Variants in WDR49 observed in about 807,000 individuals in gnomAD.
WDR49 encodes WD repeat domain 49.
Under a neutral mutation model 119.5 loss-of-function variants are expected in WDR49, and 107 were observed. The ratio of observed to expected loss-of-function variants is 0.90; its 90% CI spans 0.77 to 1.05. The LOEUF (loss-of-function observed/expected upper bound fraction) is 1.05. Among genes scored for constraint, WDR49 ranks in the 50% least tolerant of loss-of-function variants. The pLI, the probability that WDR49 is intolerant of heterozygous loss-of-function variation, is 0.00. For synonymous variants in WDR49, 425 were observed against 418.8 expected, an observed-to-expected ratio of 1.01 and a Z score of -0.18; for missense variants, 1,240 against 1,220.5, an observed-to-expected ratio of 1.02 and a Z score of -0.24.
chr3:167,605,171 G>A (rs1166916213), intron 5 of WDR49, among the ~76,000 whole-genome samples: 1 of 151,864 alleles, frequency 6.6e-6, no homozygotes, highest in African/African-American at 2.4e-5. Context: ...TTAAAGGCAA[G>A]AAAGTTCTGA....
chr3:167,587,287 A>T (rs1324775512), intron 7 of WDR49, among the ~76,000 whole-genome samples: 2 of 152,172 alleles, frequency 1.3e-5, no homozygotes, highest in African/African-American at 4.8e-5. Context: ...ACAAAGTGCT[A>T]AAAGATCTCA....
At chr3:167,621,682 T>C (rs1435951020) in intron 3 of WDR49, 39 bp from the exon 4 acceptor site, 8 of 1,492,350 alleles carry the variant, frequency 5.4e-6, no homozygotes, top group Admixed American at 2.3e-5. Context: ...GTAATTCTGA[T>C]GGATTTAGCA....
intron 18 of WDR49, among the ~76,000 whole-genome samples, chr3:167,488,262 G>C (rs1385988017): frequency 2.0e-5 from 3 of 150,892 alleles, no homozygotes; most frequent in Admixed American, 1.3e-4. Flanking sequence ...TGAAGCTGTA[G>C]GATAAAATCC....
chr3:167,522,279 T>C lies in WDR49; in HGVS notation c.2774+36A>G. On this transcript the variant is annotated intron_variant, in intron 16 of 18. Transcript: ENST00000682715. ...ATCTTATCTATGTCTTATCTAGACT[T>C]CAGTTGACATCTGGCTAATGTTCAA... The C allele has an allele frequency of 2.0e-6, 3 of 1,535,632 alleles. No individual in the cohort carries two copies. The African/African-American group carries it at 4.2e-5, about 22-fold the overall frequency.
intron 7 of WDR49, among the ~76,000 whole-genome samples, chr3:167,598,839 A>G (rs1214917278): frequency 6.6e-6 from 1 of 152,240 alleles, no homozygotes; most frequent in Non-Finnish European, 1.5e-5. Context: ...TTGCAGACTC[A>G]TAAAGGTCCC....
intron 18 of WDR49, among the ~76,000 whole-genome samples, 184 bp downstream of exon 18, chr3:167,499,969 T>C (rs890347839): frequency 6.6e-6 from 1 of 152,230 alleles, no homozygotes; most frequent in African/African-American, 2.4e-5. Flanking sequence ...CCCAGCCTGT[T>C]GGCTCTCCTA....
chr3:167,533,221 A>T (rs1267184674), intron 11 of WDR49, among the ~76,000 whole-genome samples: 1 of 152,104 alleles, frequency 6.6e-6, no homozygotes, highest in Admixed American at 6.6e-5. Flanking sequence ...CTTTTATTTT[A>T]TGGTAATAAA....
At chr3:167,532,834 G>T in intron 12 of WDR49, 45 bp downstream of exon 12, 1 of 1,444,810 alleles carries the variant, frequency 6.9e-7, no homozygotes, top group Non-Finnish European at 9.6e-7. Flanking sequence ...CAGGCCTACT[G>T]TGATTTGACT....
rs538069089 is a variant in WDR49 at position 167,624,963 on chromosome 3, C to A, written c.606+1889G>T. Among the ~76,000 whole-genome samples, 4 of 152,180 alleles carry A rather than the reference C, an allele frequency of 2.6e-5. No individual in the cohort carries two copies. In the East Asian group the frequency reaches 7.7e-4, roughly 29 times the overall value. On this transcript the variant is annotated intron_variant, in intron 3 of 18. Coordinates refer to ENST00000682715, the MANE Select transcript of WDR49 (RefSeq NM_001366157.1). ...TTACAAATCTTGGCAACCCTGATTA[C>A]ATCCTGGGTGACTGAGGGCAAATTA... is the stretch of plus-strand genomic sequence containing the variant.
At chr3:167,656,867 T>C (rs1718617055), upstream of WDR49, among the ~76,000 whole-genome samples, 2 of 152,198 alleles carry the variant, frequency 1.3e-5, no homozygotes, top group South Asian at 4.1e-4. Flanking sequence ...TAATCACCTT[T>C]AGAAGGCCAA....
intron 18 of WDR49, among the ~76,000 whole-genome samples, chr3:167,491,208 C>T (rs774917883): frequency 2.6e-5 from 4 of 152,054 alleles, no homozygotes; most frequent in African/African-American, 4.8e-5. Flanking sequence ...TTGCCCCACC[C>T]GGGAGCTTTA....
At chr3:167,499,691 TCAC>T (rs1181145229) in intron 18 of WDR49, among the ~76,000 whole-genome samples, 3 of 152,224 alleles carry the variant, frequency 2.0e-5, no homozygotes, top group Non-Finnish European at 4.4e-5. Flanking sequence ...TCTTGTCTTC[TCAC>T]CACACCAGCC....
chr3:167,562,176 T>G (rs1398478759), intron 8 of WDR49, among the ~76,000 whole-genome samples: 1 of 152,172 alleles, frequency 6.6e-6, no homozygotes, highest in Non-Finnish European at 1.5e-5. Flanking sequence ...AACATTATTA[T>G]TGTTCTTAAT....
chr3:167,522,785 C>A (rs1288043890), intron 15 of WDR49, among the ~76,000 whole-genome samples: 1 of 152,050 alleles, frequency 6.6e-6, no homozygotes, highest in Non-Finnish European at 1.5e-5. Context: ...TTCTGAATAG[C>A]CAGATGTACA....
At chr3:167,522,245 T>C (rs1042446734) in intron 16 of WDR49, 70 bp downstream of exon 16, 64 of 1,432,928 alleles carry the variant, frequency 4.5e-5, no homozygotes, top group Non-Finnish European at 5.8e-5. Context: ...CACAAGGAAA[T>C]TTGGACCAAT....
intron 9 of WDR49, among the ~76,000 whole-genome samples, chr3:167,555,505 C>G (rs561718694): frequency 6.6e-6 from 1 of 152,216 alleles, no homozygotes; most frequent in East Asian, 1.9e-4. Context: ...ATTTACAGCC[C>G]GTCAGTCAGA....
intron 12 of WDR49, among the ~76,000 whole-genome samples, chr3:167,532,237 C>T (rs535907686): frequency 3.9e-5 from 6 of 152,250 alleles, no homozygotes; most frequent in Non-Finnish European, 7.4e-5. Context: ...ACAACAGAAC[C>T]TCACTGGGCC....
chr3:167,507,924 A>G (rs1751836477), intron 16 of WDR49, among the ~76,000 whole-genome samples: 1 of 152,224 alleles, frequency 6.6e-6, no homozygotes, highest in East Asian at 1.9e-4. Context: ...CAAGAGGAGA[A>G]GTGATGGATG....
chr3:167,602,141 A>G lies in WDR49; in HGVS notation c.1261T>C (p.Phe421Leu), dbSNP rs1715802894. 1 of 1,600,008 alleles carries G rather than the reference A, an allele frequency of 6.2e-7. No homozygotes were observed. The highest frequency in any genetic ancestry group is 8.5e-7 in the Non-Finnish European group (1 of 1,170,090). ...ATGTTACTTACTTTATCCTTGGAGA[A>G]GCTGAAAAGTTGTTTTCTTTCCACA... ...FFVERKQLFS[F>L]SKDKVLRLWD... Residue 421 changes from phenylalanine to leucine, a missense_variant, in exon 7 of 19, where the codon TTC becomes CTC. Transcript: ENST00000682715.
Sources: allele counts gnomAD v4.1 joint callset (sites outside exome capture counted in the v4.1 genomes callset), GRCh38; gene constraint gnomAD v4.1.1; transcripts MANE v1.5; gene names NCBI Gene and HGNC (gene_info 2026-07-23, HGNC 2026-07-21).